TYW3: variants seen among roughly 807,000 people sequenced by gnomAD.
TYW3 encodes the protein tRNA wybutosine-synthesizing protein 3 homolog.
A neutral mutation model predicts 23.1 loss-of-function variants in TYW3; 26 were observed. The observed-to-expected ratio is 1.13, with a 90% CI of 0.83 to 1.56. TYW3 has a LOEUF of 1.56. TYW3 is among the 40% of genes most tolerant of loss of function. The pLI, the probability that TYW3 is intolerant of heterozygous loss-of-function variation, is 0.00. For missense variants in TYW3, 316 were observed against 311.9 expected, an observed-to-expected ratio of 1.01 and a Z score of -0.10; for synonymous variants, 102 against 105.7, an observed-to-expected ratio of 0.97 and a Z score of 0.21.
rs747671529 is a variant in TYW3, at chr1:74,733,413, G to T, written c.169G>T (p.Asp57Tyr). The part of the protein sequence containing the change: ...SSCAGRILLL[D>Y]RGINGFEVQK... ...CTGCGCTGGCCGCATCCTACTCCTT[G>T]ACCGGGTGAGGCCCCTTTGCGCCTG... The change falls in exon 1 of 6, where the codon GAC becomes TAC. Residue 57 changes from aspartate (D) to tyrosine (Y), a missense_variant. Asp to Tyr is a radical substitution (Grantham distance 160). Coordinates refer to ENST00000370867, the MANE Select transcript of TYW3 (RefSeq NM_138467.3). 1.2e-6 allele frequency: 2 copies of T among 1,614,152 alleles called. No homozygotes were observed. Among genetic ancestry groups the T allele is most frequent in the Non-Finnish European group, 1.7e-6 (2 of 1,180,016 alleles).
chr1:74,738,541 C>G, intron 2 of TYW3, 149 bp from the exon 3 acceptor site: 1 of 463,414 alleles, frequency 2.2e-6, no homozygotes, highest in Admixed American at 4.0e-5. Context: ...TGAAAAAGGA[C>G]CAAGAAAGCA....
At position 74,736,608 on chromosome 1, in the gene TYW3, G is replaced by A; in HGVS notation, c.241G>A (p.Val81Ile). Residue 81 changes from valine (V) to isoleucine (I), a missense_variant, in exon 2 of 6, where the codon GTA becomes ATA. Coordinates refer to ENST00000370867, the MANE Select transcript of TYW3 (RefSeq NM_138467.3). ...GCTACTGGTTACACACAAACTTTGTGTAAAAGATGATGTGGTAAGTTTTAA... is the reference window on the plus strand; with the variant it reads ...GCTACTGGTTACACACAAACTTTGTATAAAAGATGATGTGGTAAGTTTTAA... ...CWLLVTHKLC[V>I]KDDVIVALKK... 1.2e-6 allele frequency: 2 copies of A among 1,601,922 alleles called. No individual in the cohort carries two copies. Among genetic ancestry groups the A allele is most frequent in the South Asian group, 1.1e-5 (1 of 87,688 alleles).
At chr1:74,744,544 T>C (rs1375352472) in intron 3 of TYW3, among the ~76,000 whole-genome samples, 1 of 152,152 alleles carries the variant, frequency 6.6e-6, no homozygotes, top group Non-Finnish European at 1.5e-5. Flanking sequence ...TAGGACAGAA[T>C]AGCAAGCGAA....
intron 3 of TYW3, among the ~76,000 whole-genome samples, chr1:74,745,523 CAG>C (rs1315871239): frequency 1.3e-5 from 2 of 152,056 alleles, no homozygotes; most frequent in African/African-American, 2.4e-5. Context: ...TAGCTAGACA[CAG>C]AGCGCTGATT....
At chr1:74,734,917 T>G (rs969456090) in intron 1 of TYW3, among the ~76,000 whole-genome samples, 4 of 152,250 alleles carry the variant, frequency 2.6e-5, no homozygotes, top group Non-Finnish European at 5.9e-5. Flanking sequence ...AGCACATTGT[T>G]AGGCTCATTC....
At chr1:74,763,757 A>G (rs569542711) in intron 5 of TYW3, 137 bp from the exon 6 acceptor site, 73 of 594,436 alleles carry the variant, frequency 1.2e-4, no homozygotes, top group African/African-American at 9.9e-4. Flanking sequence ...CTAATAAAAC[A>G]TATTATTTAT....
intron 1 of TYW3, 84 bp downstream of exon 1, chr1:74,733,502 C>T (rs1647994930): frequency 1.9e-6 from 3 of 1,540,962 alleles, no homozygotes; most frequent in Non-Finnish European, 2.6e-6. Flanking sequence ...ACGACCGGAT[C>T]CAGCATGTCT....
chr1:74,758,890 A>G (rs1649040677), intron 5 of TYW3, among the ~76,000 whole-genome samples: 1 of 152,216 alleles, frequency 6.6e-6, no homozygotes, highest in East Asian at 1.9e-4. Context: ...TGTAACATGT[A>G]TCTGGCTCAC....
At position 74,765,873 on chromosome 1, in the gene TYW3, A is replaced by G. The variant is rs1410899253; in HGVS notation, c.*1760A>G. 6.6e-6 allele frequency: 1 copy of G among 152,128 alleles called. No individual in the cohort carries two copies. The highest frequency in any genetic ancestry group is 1.5e-5 in the Non-Finnish European group (1 of 68,018). 9.4% of individuals were successfully genotyped at this position (152,128 alleles called of 1,614,324 possible). A position where few individuals can be genotyped will look rare whatever the true frequency, so the allele number is the denominator to read the frequency against. On this transcript the variant is annotated 3_prime_UTR_variant, in exon 6 of 6. Transcript: ENST00000370867. ...GCTTCCTAATCTGTTTATATAAGGTATAGTATAGTATAATCTGTTTATATA... is the reference window on the plus strand; with the variant it reads ...GCTTCCTAATCTGTTTATATAAGGTGTAGTATAGTATAATCTGTTTATATA...
intron 5 of TYW3, among the ~76,000 whole-genome samples, chr1:74,756,975 C>G (rs1289300322): frequency 6.6e-6 from 1 of 152,212 alleles, no homozygotes; most frequent in Non-Finnish European, 1.5e-5. Flanking sequence ...GGTGCAAGCC[C>G]CAAACCTTGG....
chr1:74,738,879 ATTACC>A (rs1467411167), intron 3 of TYW3, 91 bp downstream of exon 3: 1 of 813,020 alleles, frequency 1.2e-6, no homozygotes, highest in Non-Finnish European at 1.9e-6. Flanking sequence ...TCAATGAGAT[ATTACC>A]TTATTCAACT....
intron 4 of TYW3, chr1:74,751,126 A>G (rs1349035539): frequency 6.6e-6 from 1 of 151,850 alleles, no homozygotes; most frequent in Non-Finnish European, 1.5e-5. Context: ...CTTAATTTTT[A>G]TGTCTGGTGA....
intron 5 of TYW3, chr1:74,761,542 G>GTAGAAGATGAGGTTGTATAACA (rs1649136645): frequency 6.6e-6 from 1 of 151,942 alleles, no homozygotes; most frequent in Admixed American, 6.6e-5. Flanking sequence ...ATAAAGAATG[G>GTAGAAGATGAGGTTGTATAACA]TAGAAGATGA....
chr1:74,744,552 G>A lies in TYW3; in HGVS notation c.355-4199G>A, dbSNP rs187039696. ...GGAAAAATAGGACAGAATAGCAAGC[G>A]AAAGCGGTCCAATGGTACTCACCAC... is the stretch of plus-strand genomic sequence containing the variant. On this transcript the variant is annotated intron_variant, in intron 3 of 5. Coordinates refer to ENST00000370867, the MANE Select transcript of TYW3 (RefSeq NM_138467.3). Among the ~76,000 whole-genome samples the A allele has an allele frequency of 1.0e-3, 156 of 152,322 alleles. 1 individual carries two copies. Among genetic ancestry groups the A allele is most frequent in the African/African-American group, 3.4e-3 (140 of 41,572 alleles).
chr1:74,733,218 C>T lies in TYW3; in HGVS notation c.-27C>T. 1.9e-6 allele frequency: 3 copies of T among 1,611,000 alleles called. No homozygotes were observed. Among genetic ancestry groups the T allele is most frequent in the Non-Finnish European group, 2.5e-6 (3 of 1,178,378 alleles). On this transcript the variant is annotated 5_prime_UTR_variant, in exon 1 of 6. Coordinates refer to ENST00000370867, the MANE Select transcript of TYW3 (RefSeq NM_138467.3). ...AGAGACGAGGCTACCATGAAGGAGC[C>T]GAGCGCAGACCCTGAGTCCGTCACC...
chr1:74,748,514 A>T, intron 3 of TYW3: 1 of 442,046 alleles, frequency 2.3e-6, no homozygotes, highest in Non-Finnish European at 4.0e-6. Context: ...TTTGTGATTG[A>T]ATTCTACTTT....
chr1:74,738,409 G>A (rs61412651), intron 2 of TYW3, among the ~76,000 whole-genome samples: 1,810 of 152,172 alleles, frequency 0.012, 44 homozygotes, highest in African/African-American at 0.041. Flanking sequence ...TGAAAAATCC[G>A]TTATGGAATT....
intron 2 of TYW3, among the ~76,000 whole-genome samples, chr1:74,737,367 C>T (rs1190260894): frequency 2.0e-5 from 3 of 152,154 alleles, no homozygotes; most frequent in African/African-American, 7.2e-5. Flanking sequence ...AAAAGAACTC[C>T]TTTTCCTGCA....
intron 3 of TYW3, among the ~76,000 whole-genome samples, chr1:74,747,818 T>C (rs1164012270): frequency 2.5e-5 from 3 of 122,200 alleles, no homozygotes; most frequent in Non-Finnish European, 6.3e-5. Context: ...TACACACATA[T>C]GTATATATAT....
Sources: gnomAD v4.1 joint callset for allele counts (sites outside exome capture counted in the v4.1 genomes callset) on GRCh38, gnomAD v4.1.1 for gene constraint, MANE v1.5 for transcripts, NCBI Gene and HGNC (gene_info 2026-07-23, HGNC 2026-07-21) for gene names.